The following TBC1D22A variants were observed in gnomAD, a reference collection of about 807,000 sequenced individuals.
TBC1D22A encodes the protein putative GTPase activator.
In TBC1D22A, 38 loss-of-function variants were observed where a neutral mutation model predicts 60.2. That is an observed-to-expected ratio of 0.63 (90% CI 0.49 to 0.83). The LOEUF is 0.83. Among genes scored for constraint, TBC1D22A ranks in the 40% least tolerant of loss-of-function variants. The pLI is 0.00. For synonymous variants in TBC1D22A, 302 were observed against 281.7 expected (o/e 1.07, Z -0.72); for missense variants, 628 against 701.0 (o/e 0.90, Z 1.18).
intron 4 of TBC1D22A, among the ~76,000 whole-genome samples, chr22:46,872,270 C>T (rs912916233): frequency 7.9e-5 from 12 of 152,052 alleles, no homozygotes; most frequent in East Asian, 1.9e-4. Flanking sequence ...CTTCCAGGAT[C>T]ACTTTCAGAA....
At chr22:46,942,730 G>T (rs1039271892) in intron 8 of TBC1D22A, among the ~76,000 whole-genome samples, 2 of 152,124 alleles carry the variant, frequency 1.3e-5, no homozygotes, top group Admixed American at 6.6e-5. Flanking sequence ...CTCCCCGAGG[G>T]ATCCTTGCTG....
intron 11 of TBC1D22A, among the ~76,000 whole-genome samples, chr22:47,103,237 A>C (rs930030630): frequency 1.3e-5 from 2 of 152,138 alleles, no homozygotes; most frequent in Admixed American, 6.5e-5. Flanking sequence ...AGAATGAAGA[A>C]GGGGTCACAG....
intron 10 of TBC1D22A, among the ~76,000 whole-genome samples, chr22:47,006,932 C>T (rs776752834): frequency 6.6e-6 from 1 of 152,164 alleles, no homozygotes; most frequent in Non-Finnish European, 1.5e-5. Flanking sequence ...TAGCATGAAA[C>T]AAGTGTCACA....
intron 12 of TBC1D22A, among the ~76,000 whole-genome samples, chr22:47,141,952 G>A (rs1363695426): frequency 6.6e-6 from 1 of 152,122 alleles, no homozygotes; most frequent in African/African-American, 2.4e-5. Context: ...GATTTTTATG[G>A]ATCAATTTTA....
At chr22:47,099,918 C>T (rs1358178429) in intron 11 of TBC1D22A, among the ~76,000 whole-genome samples, 2 of 152,218 alleles carry the variant, frequency 1.3e-5, no homozygotes, top group Non-Finnish European at 2.9e-5. Context: ...GCCCTTCCAG[C>T]CCTGGTGTTT....
chr22:47,162,362 C>T (rs943610939), intron 12 of TBC1D22A, among the ~76,000 whole-genome samples: 1 of 152,168 alleles, frequency 6.6e-6, no homozygotes, highest in African/African-American at 2.4e-5. Flanking sequence ...CGTTCAATCT[C>T]AGGTCCCCGT....
At chr22:47,117,598 G>T (rs1281384952) in intron 12 of TBC1D22A, among the ~76,000 whole-genome samples, 1 of 152,040 alleles carries the variant, frequency 6.6e-6, no homozygotes, top group Non-Finnish European at 1.5e-5. Flanking sequence ...CCCACACCTT[G>T]GCCTTCTCCC....
intron 11 of TBC1D22A, among the ~76,000 whole-genome samples, chr22:47,060,185 C>T (rs1389729717): frequency 6.6e-6 from 1 of 151,734 alleles, no homozygotes; most frequent in African/African-American, 2.4e-5. Context: ...GTACTTCCAG[C>T]AGGCAGATCA....
At chr22:47,138,975 T>C (rs2066982289) in intron 12 of TBC1D22A, among the ~76,000 whole-genome samples, 1 of 152,146 alleles carries the variant, frequency 6.6e-6, no homozygotes, top group Non-Finnish European at 1.5e-5. Context: ...AACCGATGGA[T>C]TGGGGGAAAC....
rs147207373 is a variant in TBC1D22A at position 47,167,203 on chromosome 22, C to G, written c.1426-6295C>G. Among the ~76,000 whole-genome samples, 98 of 152,328 alleles carry G rather than the reference C, an allele frequency of 6.4e-4. 1 individual carries two copies. The South Asian group carries it at 0.014, about 22-fold the overall frequency. ...ATGTCCTTGAATTTGCATATACACA[C>G]AGAAAGGTAACACCCAGGTAACACC... On this transcript the variant is annotated intron_variant, in intron 12 of 12. Transcript: ENST00000337137.
intron 11 of TBC1D22A, among the ~76,000 whole-genome samples, chr22:47,070,182 C>T (rs564021321): frequency 2.3e-4 from 35 of 149,952 alleles, no homozygotes; most frequent in African/African-American, 7.6e-4. Context: ...TGGCTGTTCC[C>T]TGTTGTTTGG....
At chr22:46,800,778 C>T (rs566623349) in intron 4 of TBC1D22A, among the ~76,000 whole-genome samples, 1 of 152,276 alleles carries the variant, frequency 6.6e-6, no homozygotes, top group East Asian at 1.9e-4. Flanking sequence ...TTTATCTTCT[C>T]ACTTGATTTT....
intron 10 of TBC1D22A, among the ~76,000 whole-genome samples, chr22:47,008,053 T>C (rs1330704881): frequency 6.6e-6 from 1 of 152,222 alleles, no homozygotes; most frequent in East Asian, 1.9e-4. Context: ...ATCAAAATAA[T>C]GCCATGAGGG....
At chr22:46,889,533 A>G (rs546177644) in intron 5 of TBC1D22A, among the ~76,000 whole-genome samples, 4 of 152,210 alleles carry the variant, frequency 2.6e-5, no homozygotes, top group Non-Finnish European at 5.9e-5. Flanking sequence ...ATGAAAACCC[A>G]AAGCGTATGC....
At chr22:46,942,503 A>G (rs928925946) in intron 8 of TBC1D22A, among the ~76,000 whole-genome samples, 2 of 152,174 alleles carry the variant, frequency 1.3e-5, no homozygotes, top group Non-Finnish European at 2.9e-5. Context: ...TTACTTCAGT[A>G]ATAAGAATTG....
chr22:46,911,781 T>G (rs1452714497), intron 7 of TBC1D22A, among the ~76,000 whole-genome samples: 1 of 151,966 alleles, frequency 6.6e-6, no homozygotes, highest in Non-Finnish European at 1.5e-5. Context: ...TAGCCAGGCA[T>G]GGTAGCGCAT....
chr22:46,930,094 A>G (rs1408242073), intron 8 of TBC1D22A, among the ~76,000 whole-genome samples: 1 of 152,044 alleles, frequency 6.6e-6, no homozygotes, highest in African/African-American at 2.4e-5. Flanking sequence ...AAGCTCCCCA[A>G]GCAGAAGGTC....
chr22:46,868,649 C>T (rs1213637651), intron 4 of TBC1D22A, among the ~76,000 whole-genome samples: 2 of 152,142 alleles, frequency 1.3e-5, no homozygotes, highest in Non-Finnish European at 2.9e-5. Flanking sequence ...GTTGCTGGTA[C>T]TTGTCTTGAT....
chr22:46,894,897 C>T (rs368568487), intron 7 of TBC1D22A, 51 bp downstream of exon 7: 1 of 1,600,220 alleles, frequency 6.2e-7, no homozygotes, highest in Admixed American at 1.7e-5. Context: ...TGGCTGATGC[C>T]CACTGTGCTA....
Sources: allele counts gnomAD v4.1 joint callset (sites outside exome capture counted in the v4.1 genomes callset), GRCh38; gene constraint gnomAD v4.1.1; transcripts MANE v1.5; gene names NCBI Gene and HGNC (gene_info 2026-07-23, HGNC 2026-07-21).